Variants in DKKL1 observed in about 807,000 individuals in gnomAD.
DKKL1 encodes the protein dickkopf like acrosomal protein 1.
A neutral mutation model predicts 16.5 loss-of-function variants in DKKL1; 11 were observed. That is an observed-to-expected ratio of 0.67 (90% CI 0.42 to 1.10). The LOEUF (loss-of-function observed/expected upper bound fraction) is 1.10, where lower values mean the gene tolerates loss of function less well. Ranked by LOEUF, DKKL1 falls within the 50% of genes least tolerant of loss-of-function variation. DKKL1 has a pLI of 0.00. For synonymous variants in DKKL1, 119 were observed against 133.2 expected, an observed-to-expected ratio of 0.89 and a Z score of 0.73; for missense variants, 320 against 308.1, an observed-to-expected ratio of 1.04 and a Z score of -0.29.
Position 49,365,666 on chromosome 19 carries a change from G to A in DKKL1, c.324+17G>A, listed in dbSNP as rs920565008. 1.9e-6 allele frequency: 3 copies of A among 1,605,814 alleles called. No individual in the cohort carries two copies. In the African/African-American group the frequency reaches 4.0e-5, roughly 21 times the overall value. On this transcript the variant is annotated intron_variant, in intron 3 of 4. Transcript: ENST00000221498. ...ATCGACAAGGTGCCTATGCAGGGAA[G>A]CCCTTCCTGAAGTCCCCTTGGGATC...
intron 2 of DKKL1, 49 bp from the exon 3 acceptor site, chr19:49,365,460 T>C (rs1282219474): frequency 1.3e-6 from 2 of 1,553,582 alleles, no homozygotes; most frequent in Non-Finnish European, 1.7e-6. Flanking sequence ...GGGGCTGTAC[T>C]GAGGAGATGT....
rs947662378 is a variant in DKKL1 at position 49,363,889 on chromosome 19, G to C, written c.-110G>C. On this transcript the variant is annotated 5_prime_UTR_variant, in exon 1 of 5. Coordinates refer to ENST00000221498, the MANE Select transcript of DKKL1 (RefSeq NM_014419.4). ...AACGCTCTAGACCAGACCTGGGCTC[G>C]AGACCATAACTGTTTGGCTTTAACA... The C allele has an allele frequency of 2.0e-5, 30 of 1,480,126 alleles. No individual in the cohort carries two copies. Among genetic ancestry groups the C allele is most frequent in the Admixed American group, 3.9e-5 (2 of 50,956 alleles). The allele number at this position is 1,480,126 out of a possible 1,614,324, so 91.7% of individuals were successfully genotyped here.
chr19:49,374,237 C>T (rs1208346584), intron 4 of DKKL1, among the ~76,000 whole-genome samples: 3 of 152,324 alleles, frequency 2.0e-5, no homozygotes, highest in East Asian at 1.9e-4. Flanking sequence ...CCGCCAGCCT[C>T]GGCCTCCCAC....
intron 4 of DKKL1, chr19:49,371,064 G>A (rs1467247605): frequency 6.6e-6 from 1 of 152,198 alleles, no homozygotes; most frequent in African/African-American, 2.4e-5. Context: ...ATATGGAAGA[G>A]TCCAATCATG....
At chr19:49,370,364 G>C (rs1973429580) in intron 4 of DKKL1, 1 of 150,996 alleles carries the variant, frequency 6.6e-6, no homozygotes, top group South Asian at 2.1e-4. Context: ...CACTGGACTT[G>C]AAGGTTGACA....
At chr19:49,374,120 G>A (rs1973626349) in intron 4 of DKKL1, among the ~76,000 whole-genome samples, 1 of 152,092 alleles carries the variant, frequency 6.6e-6, no homozygotes, top group Non-Finnish European at 1.5e-5. Context: ...GAGTAGCTGG[G>A]ACTACAGGCG....
Position 49,374,843 on chromosome 19 carries a change from G to A in DKKL1, c.544G>A (p.Asp182Asn). 2 of 1,613,840 alleles carry A rather than the reference G, an allele frequency of 1.2e-6. No individual in the cohort carries two copies. Among genetic ancestry groups the A allele is most frequent in the East Asian group, 2.2e-5 (1 of 44,864 alleles). ...GCTGCCACGGCGGAGGTCCCACCAG[G>A]ATGCCCTGGAGGGCGGCCACTGGCT... ...IKLPRRRSHQDALEGGHWLSE... is the reference protein window; with the variant it reads ...IKLPRRRSHQNALEGGHWLSE... Residue 182 changes from aspartate (D) to asparagine (N), a missense_variant, in exon 5 of 5, where the codon GAT becomes AAT. By Grantham distance (23) the Asp-to-Asn change is conservative (BLOSUM62 1). Coordinates refer to ENST00000221498, the MANE Select transcript of DKKL1 (RefSeq NM_014419.4).
In DKKL1 at chr19:49,365,780, C is replaced by T. The variant is rs1373883319; in HGVS notation, c.325-13C>T. The T allele has an allele frequency of 3.1e-6, 5 of 1,612,914 alleles. No individual in the cohort carries two copies. The highest frequency in any genetic ancestry group is 1.3e-5 in the African/African-American group (1 of 75,024). On this transcript the variant is annotated splice_polypyrimidine_tract_variant and intron_variant, in intron 3 of 4. Coordinates refer to ENST00000221498, the MANE Select transcript of DKKL1 (RefSeq NM_014419.4). ...AGCAGGTTTGCTCTCACTCTCTCAT[C>T]GGATCCTCACAGATGACCGACAACA...
chr19:49,361,658 C>G (rs1282933735), upstream of DKKL1: 3 of 152,344 alleles, frequency 2.0e-5, no homozygotes, highest in Admixed American at 6.5e-5. Context: ...TTCCCAGTGA[C>G]TTTCCGGAGG....
Position 49,364,554 on chromosome 19 carries a change from G to A in DKKL1, c.11-28G>A, listed in dbSNP as rs372470212. 1.2e-4 allele frequency: 196 copies of A among 1,594,142 alleles called. 4 individuals are homozygous for A. The highest frequency in any genetic ancestry group is 1.1e-3 in the East Asian group (48 of 44,792). ...TTGGGTGGGGGCGTGGCCACTGTGC[G>A]GGGCTCTGACCCCGACCCTTGCCAC... is the stretch of plus-strand genomic sequence containing the variant. On this transcript the variant is annotated intron_variant, in intron 1 of 4. Coordinates refer to ENST00000221498, the MANE Select transcript of DKKL1 (RefSeq NM_014419.4).
In DKKL1 at chr19:49,365,895, T is replaced by C; in HGVS notation, c.417+10T>C. 6.2e-7 allele frequency: 1 copy of C among 1,611,918 alleles called. No homozygotes were observed. Among genetic ancestry groups the C allele is most frequent in the Non-Finnish European group, 8.5e-7 (1 of 1,178,910 alleles). On this transcript the variant is annotated intron_variant, in intron 4 of 4. Coordinates refer to ENST00000221498, the MANE Select transcript of DKKL1 (RefSeq NM_014419.4). ...CGAGGGTGATTTGAAGGTTAGGACG[T>C]GCCCCGCCGTCAAAGTGTCCAGGCC...
Position 49,374,646 on chromosome 19 carries a change from G to C in DKKL1, c.418-71G>C, listed in dbSNP as rs1973649204. On this transcript the variant is annotated intron_variant, in intron 4 of 4. Coordinates refer to ENST00000221498, the MANE Select transcript of DKKL1 (RefSeq NM_014419.4). The stretch of plus-strand genomic sequence containing the variant: ...TGTCATCTGCAAAGTGGGCTGAATA[G>C]GTCAGTGGGGACTGACCATCCTGGG... The C allele has an allele frequency of 2.1e-6, 3 of 1,439,278 alleles. No homozygotes were observed. In the African/African-American group the frequency reaches 4.3e-5, roughly 21 times the overall value. The allele number at this position is 1,439,278 out of a possible 1,614,324, so 89.2% of individuals were successfully genotyped here.
Position 49,374,732 on chromosome 19 carries a change from G to T in DKKL1, c.433G>T (p.Glu145Ter). Residue 145 changes from glutamate to a stop codon, truncating the protein, a stop_gained, in exon 5 of 5, where the codon GAG (glutamate) becomes TAG (stop). Transcript: ENST00000221498. LOFTEE classifies it low-confidence loss of function (END_TRUNC). The part of the protein sequence containing the change: ...EGDLKVPRME[E>*]KEALVPIQKA... ...TCCTCCCCAGGTACCCAGGATGGAG[G>T]AGAAGGAGGCCCTGGTACCCATCCA... 2.6e-6 allele frequency: 4 copies of T among 1,534,108 alleles called. No individual in the cohort carries two copies. Among genetic ancestry groups the T allele is most frequent in the Non-Finnish European group, 3.5e-6 (4 of 1,140,208 alleles).
Position 49,363,979 on chromosome 19 carries a change from C to G in DKKL1, c.-20C>G, listed in dbSNP as rs1334498254. On this transcript the variant is annotated 5_prime_UTR_variant, in exon 1 of 5. Transcript: ENST00000221498. ...GCTGTGGTCTAGCATAAAGGCGGAG[C>G]CCAGAAGAAGGGGCGGGGTATGGGA... The G allele has an allele frequency of 1.9e-5, 30 of 1,612,912 alleles. No homozygotes were observed. The highest frequency in any genetic ancestry group is 2.4e-5 in the Non-Finnish European group (28 of 1,179,530).
In DKKL1 at chr19:49,365,580, C is replaced by T. The variant is rs141709326; in HGVS notation, c.255C>T (p.Tyr85=). The T allele has an allele frequency of 2.7e-4, 438 of 1,613,854 alleles. No homozygotes were observed. The highest frequency in any genetic ancestry group is 3.5e-4 in the Non-Finnish European group (409 of 1,179,954). ...PMDFRGLPGN[Y]HKEENQEHQL... ...ACTTCCGGGGCCTCCCTGGGAACTA[C>T]CACAAAGAGGAGAACCAGGAGCACC... Residue 85 remains tyrosine (Y), a synonymous_variant, in exon 3 of 5, where the codon TAC becomes TAT. Transcript: ENST00000221498.
intron 4 of DKKL1, among the ~76,000 whole-genome samples, chr19:49,372,940 G>A (rs542991141): frequency 2.0e-4 from 31 of 151,406 alleles, no homozygotes; most frequent in East Asian, 2.0e-3. Flanking sequence ...GGTGGAGGTC[G>A]CGGTGAGCGA....
chr19:49,364,811 G>C (rs1303865467), intron 2 of DKKL1, 57 bp downstream of exon 2: 3 of 1,576,922 alleles, frequency 1.9e-6, no homozygotes, highest in Non-Finnish European at 2.6e-6. Flanking sequence ...CAGGGACACA[G>C]AGTGGGAGAT....
chr19:49,367,030 T>A (rs2146773472), intron 4 of DKKL1, among the ~76,000 whole-genome samples: 2 of 148,508 alleles, frequency 1.3e-5, no homozygotes, highest in Non-Finnish European at 3.0e-5. Context: ...TTCTTCTTCT[T>A]TTTTTGTTTT....
chr19:49,374,568 A>G, intron 4 of DKKL1, 149 bp from the exon 5 acceptor site: 1 of 638,434 alleles, frequency 1.6e-6, no homozygotes, highest in South Asian at 3.9e-5. Context: ...CTTAAGTGTA[A>G]ACCCAAGTGC....
Sources: gnomAD v4.1 joint callset for allele counts (sites outside exome capture counted in the v4.1 genomes callset) on GRCh38, gnomAD v4.1.1 for gene constraint, MANE v1.5 for transcripts, NCBI Gene and HGNC (gene_info 2026-07-23, HGNC 2026-07-21) for gene names.